The following SERPINI2 variants were observed in gnomAD, a reference collection of about 807,000 sequenced individuals.
SERPINI2 encodes the protein serpin I2.
Under a neutral mutation model 47.3 loss-of-function variants are expected in SERPINI2, and 48 were observed. The ratio of observed to expected loss-of-function variants is 1.02; its 90% CI spans 0.81 to 1.29. The LOEUF (loss-of-function observed/expected upper bound fraction) is 1.29. Ranked by LOEUF, SERPINI2 falls within the 50% of genes most tolerant of loss-of-function variation. SERPINI2 has a pLI of 0.00. For missense variants in SERPINI2, 448 were observed against 456.9 expected, an observed-to-expected ratio of 0.98 and a Z score of 0.18; for synonymous variants, 135 against 149.3, an observed-to-expected ratio of 0.90 and a Z score of 0.70.
In SERPINI2 at chr3:167,442,044, G is replaced by A. The variant is rs186414193; in HGVS notation, c.*65C>T. ...GATATAGAGCAAATATTGTCAAGAT[G>A]ACGATATTTTGCCAATCAGCTATTT... On this transcript the variant is annotated 3_prime_UTR_variant, in exon 9 of 9. Coordinates refer to ENST00000264677, the Ensembl canonical transcript of SERPINI2. 2.7e-3 allele frequency: 3,355 copies of A among 1,246,118 alleles called. 64 individuals are homozygous for A. In the African/African-American group the frequency reaches 0.045, roughly 17 times the overall value. 77.2% of individuals were successfully genotyped at this position (1,246,118 alleles called of 1,614,324 possible). A position where few individuals can be genotyped will look rare whatever the true frequency, so the allele number is the denominator to read the frequency against.
intron 5 of SERPINI2, among the ~76,000 whole-genome samples, chr3:167,459,924 T>C (rs1336272236): frequency 6.6e-6 from 1 of 152,148 alleles, no homozygotes; most frequent in Admixed American, 6.5e-5. Flanking sequence ...GACAGATGGC[T>C]ACATGACAAC....
At chr3:167,445,754 A>G (rs1366367378) in intron 8 of SERPINI2, among the ~76,000 whole-genome samples, 2 of 152,188 alleles carry the variant, frequency 1.3e-5, no homozygotes, top group Non-Finnish European at 2.9e-5. Flanking sequence ...TCTCTTACTC[A>G]CAAGAGAAAG....
chr3:167,452,962 C>A (rs1021592506), exon 6 of SERPINI2: 2 of 1,605,674 alleles, frequency 1.2e-6, no homozygotes, highest in African/African-American at 2.7e-5. Context: ...GTCGCAGCCA[C>A]CACTAAATAT....
rs550675796 is a variant in SERPINI2 at position 167,464,234 on chromosome 3, G to T, written c.866+972C>A. ...TCACCACATTAGCCAGTCTGGACTC[G>T]AACTCCTGACCTCAGATGATCTGCC... On this transcript the variant is annotated intron_variant, in intron 5 of 8. Coordinates refer to ENST00000264677, the Ensembl canonical transcript of SERPINI2. 1.7e-4 allele frequency among the ~76,000 whole-genome samples: 26 copies of T among 151,860 alleles called. No individual in the cohort carries two copies. The South Asian group carries it at 5.4e-3, about 32-fold the overall frequency.
At chr3:167,476,272 C>T (rs1053104587), upstream of SERPINI2, among the ~76,000 whole-genome samples, 15 of 151,856 alleles carry the variant, frequency 9.9e-5, no homozygotes, top group South Asian at 1.5e-3. Flanking sequence ...TGCTACCTGC[C>T]TAGAAAATTA....
At chr3:167,447,089 A>G (rs1198077654) in intron 7 of SERPINI2, 1 of 152,154 alleles carries the variant, frequency 6.6e-6, no homozygotes, top group Non-Finnish European at 1.5e-5. Flanking sequence ...AATATTTAGA[A>G]TAGGAAAATA....
intron 5 of SERPINI2, among the ~76,000 whole-genome samples, chr3:167,457,752 T>C (rs1218840229): frequency 1.3e-5 from 2 of 152,358 alleles, no homozygotes; most frequent in South Asian, 2.1e-4. Flanking sequence ...AAACAATTCA[T>C]TTTAATATAA....
At chr3:167,476,136 C>T (rs1750475161), upstream of SERPINI2, among the ~76,000 whole-genome samples, 1 of 151,520 alleles carries the variant, frequency 6.6e-6, no homozygotes. Context: ...TATGACATAT[C>T]CTATTTTAAT....
intron 3 of SERPINI2, among the ~76,000 whole-genome samples, chr3:167,466,230 C>G (rs920011943): frequency 1.3e-5 from 2 of 152,120 alleles, no homozygotes; most frequent in Admixed American, 6.5e-5. Flanking sequence ...TGCCATGGAG[C>G]TGTCTAGTGA....
chr3:167,466,572 T>C (rs928214783), intron 3 of SERPINI2, among the ~76,000 whole-genome samples: 2 of 152,170 alleles, frequency 1.3e-5, no homozygotes, highest in Admixed American at 1.3e-4. Context: ...AACTATGAAA[T>C]TTTTTGCTAG....
chr3:167,465,120 A>T, intron 5 of SERPINI2, 86 bp downstream of exon 5: 1 of 1,169,838 alleles, frequency 8.5e-7, no homozygotes, highest in Non-Finnish European at 1.2e-6. Context: ...TAGACTTTTC[A>T]AGTATTTGTT....
intron 5 of SERPINI2, among the ~76,000 whole-genome samples, chr3:167,459,068 GT>G (rs1191963816): frequency 2.1e-5 from 3 of 144,496 alleles, no homozygotes; most frequent in Non-Finnish European, 3.0e-5. Context: ...ACCAAAGGAA[GT>G]TTTTTTTTGT....
exon 2 of SERPINI2, chr3:167,471,617 T>C (rs1253909421): frequency 1.2e-6 from 2 of 1,613,586 alleles, no homozygotes; most frequent in South Asian, 1.1e-5. Flanking sequence ...TTTTAAAGTT[T>C]GTCTTATCTG....
chr3:167,472,756 T>C (rs371181744), intron 1 of SERPINI2, among the ~76,000 whole-genome samples: 2 of 151,888 alleles, frequency 1.3e-5, no homozygotes, highest in African/African-American at 4.8e-5. Flanking sequence ...TCCACTAAAA[T>C]TGCAGGAAAT....
chr3:167,472,008 T>C (rs1350439060), intron 1 of SERPINI2, 164 bp from the exon 2 acceptor site: 1 of 559,490 alleles, frequency 1.8e-6, no homozygotes, highest in African/African-American at 1.9e-5. Context: ...TTCAGAAAAA[T>C]AGTTCATGTG....
At chr3:167,466,489 G>C (rs1750136310) in intron 3 of SERPINI2, among the ~76,000 whole-genome samples, 1 of 152,168 alleles carries the variant, frequency 6.6e-6, no homozygotes, top group Non-Finnish European at 1.5e-5. Flanking sequence ...TTTAAATGGA[G>C]CATAGCTTAT....
In SERPINI2 at chr3:167,465,291, CTTCTATATCCA is replaced by C. The variant is rs746699270; in HGVS notation, c.770_780del (p.Met257ArgfsTer17). 1.9e-6 allele frequency: 3 copies of C among 1,613,118 alleles called. No homozygotes were observed. Among genetic ancestry groups the C allele is most frequent in the Non-Finnish European group, 1.7e-6 (2 of 1,179,732 alleles). On this transcript the variant is annotated frameshift_variant, in exon 5 of 9. Coordinates refer to ENST00000264677, the Ensembl canonical transcript of SERPINI2. LOFTEE classifies it high-confidence loss of function. ...TGAGCAGTAATTAGTTTTTCCACTT[CTTCTATATCCA>C]TACCTTCTGCAGGAAGTATGATAAT...
rs578012951 is a variant in SERPINI2, at chr3:167,470,771, G to C, written c.247+817C>G. ...CCTGGTCTCGAACTCCTGACCTCAA[G>C]TGATCCACCTGCCTCAGCCTCCCAA... On this transcript the variant is annotated intron_variant, in intron 2 of 8. Transcript: ENST00000264677. Among the ~76,000 whole-genome samples, 28 of 151,838 alleles carry C rather than the reference G, an allele frequency of 1.8e-4. No individual in the cohort carries two copies. The South Asian group carries it at 5.6e-3, about 30-fold the overall frequency.
At chr3:167,453,302 C>T (rs1323621841) in intron 5 of SERPINI2, among the ~76,000 whole-genome samples, 4 of 151,926 alleles carry the variant, frequency 2.6e-5, no homozygotes, top group Non-Finnish European at 5.9e-5. Context: ...CAACAAAACT[C>T]GGTGAGAATT....
Sources: gnomAD v4.1 joint callset for allele counts (sites outside exome capture counted in the v4.1 genomes callset) on GRCh38, gnomAD v4.1.1 for gene constraint, MANE v1.5 for transcripts, NCBI Gene and HGNC (gene_info 2026-07-23, HGNC 2026-07-21) for gene names.